Variants in SUSD4 observed in about 807,000 individuals in gnomAD.
The protein encoded by SUSD4 is sushi domain-containing protein 4.
Under a neutral mutation model 50.5 loss-of-function variants are expected in SUSD4, and 41 were observed. The ratio of observed to expected loss-of-function variants is 0.81; its 90% confidence interval spans 0.63 to 1.05. The LOEUF (loss-of-function observed/expected upper bound fraction) is 1.05, where lower values mean the gene tolerates loss of function less well. SUSD4 is among the 50% of genes least tolerant of loss of function. SUSD4 has a pLI of 0.00. For synonymous variants in SUSD4, 257 were observed against 257.3 expected, an observed-to-expected ratio of 1.00 and a Z score of 0.01; for missense variants, 580 against 634.7, an observed-to-expected ratio of 0.91 and a Z score of 0.93.
At chr1:223,337,336 G>A (rs574713700) in intron 2 of SUSD4, among the ~76,000 whole-genome samples, 77 of 152,296 alleles carry the variant, frequency 5.1e-4, no homozygotes, top group African/African-American at 1.8e-3. Flanking sequence ...TCACCTTACA[G>A]AGCTCAAATG....
intron 2 of SUSD4, among the ~76,000 whole-genome samples, chr1:223,362,940 A>ACCC (rs1411258473): frequency 1.7e-4 from 11 of 66,296 alleles, no homozygotes; most frequent in African/African-American, 6.0e-4. Context: ...CCCACCCCCC[A>ACCC]CCCCTCCCCC....
intron 5 of SUSD4, among the ~76,000 whole-genome samples, chr1:223,262,203 C>A (rs149412883): frequency 6.6e-6 from 1 of 152,066 alleles, no homozygotes; most frequent in Admixed American, 6.5e-5. Flanking sequence ...GAAAGAGGAA[C>A]GGGAAAGGGA....
In SUSD4 at chr1:223,227,647, G is replaced by T. The variant is rs1304703355; in HGVS notation, c.1008C>A (p.Leu336=). 1 of 1,613,912 alleles carries T rather than the reference G, an allele frequency of 6.2e-7. No individual in the cohort carries two copies. Residue 336 remains leucine, a synonymous_variant, in exon 7 of 9, where the codon CTC becomes CTA. Coordinates refer to ENST00000366878, the MANE Select transcript of SUSD4 (RefSeq NM_017982.4). The surrounding 1 kb of genome is among the most constrained non-coding windows in gnomAD (Gnocchi z 4.5). ...TATSVLLVLL[L]VILARMFQTK... is the part of the protein sequence containing the mutation. The stretch of plus-strand genomic sequence containing the variant: ...TCTGGAACATCCTGGCCAGGATGAC[G>T]AGCAGCAGCACCAGCAGCACACTGG...
intron 5 of SUSD4, among the ~76,000 whole-genome samples, chr1:223,236,710 T>G (rs527335976): frequency 6.6e-6 from 1 of 152,260 alleles, no homozygotes; most frequent in East Asian, 1.9e-4. Context: ...TCCATTGATC[T>G]ATTTGTCAAT....
chr1:223,250,341 G>A (rs1339944013), intron 5 of SUSD4, among the ~76,000 whole-genome samples: 3 of 152,162 alleles, frequency 2.0e-5, no homozygotes, highest in Non-Finnish European at 1.5e-5. Flanking sequence ...TGAAATGAGA[G>A]CAGTAATGAC....
At chr1:223,252,219 T>TAAAA (rs68004270) in intron 5 of SUSD4, among the ~76,000 whole-genome samples, 9 of 129,072 alleles carry the variant, frequency 7.0e-5, no homozygotes, top group African/African-American at 1.5e-4. Flanking sequence ...AAAGTATAAT[T>TAAAA]AAAAAAAAAA....
At chr1:223,275,465 G>A (rs1172402248) in intron 3 of SUSD4, among the ~76,000 whole-genome samples, 1 of 152,132 alleles carries the variant, frequency 6.6e-6, no homozygotes, top group East Asian at 1.9e-4. Flanking sequence ...AAGGCCAGAG[G>A]TGAACTCACA....
chr1:223,305,811 A>G (rs140814259), intron 2 of SUSD4, among the ~76,000 whole-genome samples: 1 of 152,354 alleles, frequency 6.6e-6, no homozygotes. Flanking sequence ...TGGGGGATGC[A>G]GAATTCATCC....
At chr1:223,307,875 C>G (rs1199703391) in intron 2 of SUSD4, among the ~76,000 whole-genome samples, 1 of 152,060 alleles carries the variant, frequency 6.6e-6, no homozygotes, top group Non-Finnish European at 1.5e-5. Flanking sequence ...CTCCTATCAC[C>G]TTTATAAATT....
At chr1:223,310,150 C>T (rs1273519368) in intron 2 of SUSD4, among the ~76,000 whole-genome samples, 2 of 152,190 alleles carry the variant, frequency 1.3e-5, no homozygotes, top group East Asian at 1.9e-4. Context: ...AGCCCTGGGA[C>T]AGTGCCTTTA....
intron 3 of SUSD4, among the ~76,000 whole-genome samples, chr1:223,278,602 G>C (rs1663452386): frequency 6.6e-6 from 1 of 152,232 alleles, no homozygotes; most frequent in Non-Finnish European, 1.5e-5. Flanking sequence ...ACTGCTCAAG[G>C]AGGCCTGCCT....
intron 2 of SUSD4, among the ~76,000 whole-genome samples, chr1:223,346,908 C>T (rs189463141): frequency 6.6e-6 from 1 of 152,140 alleles, no homozygotes; most frequent in Non-Finnish European, 1.5e-5. Flanking sequence ...CTTATGCTTG[C>T]CCCAGCAAGG....
intron 2 of SUSD4, among the ~76,000 whole-genome samples, chr1:223,307,243 A>C (rs2103200112): frequency 6.6e-6 from 1 of 152,286 alleles, no homozygotes; most frequent in South Asian, 2.1e-4. Flanking sequence ...CAATCTCAAC[A>C]TGCCTATGGC....
chr1:223,351,466 C>T (rs1668362407), intron 2 of SUSD4, among the ~76,000 whole-genome samples: 1 of 152,236 alleles, frequency 6.6e-6, no homozygotes, highest in Non-Finnish European at 1.5e-5. Context: ...CTCTCTCCAG[C>T]ACACCACACC....
chr1:223,327,663 C>A (rs781065518), intron 2 of SUSD4, among the ~76,000 whole-genome samples: 11 of 152,114 alleles, frequency 7.2e-5, no homozygotes, highest in Non-Finnish European at 1.6e-4. Flanking sequence ...ACTTCTGGCC[C>A]ATAGGGAGCC....
intron 3 of SUSD4, among the ~76,000 whole-genome samples, chr1:223,287,145 G>A (rs757170730): frequency 4.6e-4 from 70 of 152,164 alleles, no homozygotes; most frequent in Non-Finnish European, 6.0e-4. Flanking sequence ...GCACGATATC[G>A]GTTCACTGCA....
rs765372194 is a variant in SUSD4, at chr1:223,363,367, T to G, written c.59A>C (p.Gln20Pro). 6.3e-6 allele frequency: 10 copies of G among 1,596,210 alleles called. No homozygotes were observed. Among genetic ancestry groups the G allele is most frequent in the Non-Finnish European group, 8.5e-6 (10 of 1,171,420 alleles). Reference sequence around the variant, plus strand: ...TCTCTGGGGGGACTGAGGTTGCTGCTGCTGCTGCTGCTGCTCTAGAAATCC... The same window carrying G: ...TCTCTGGGGGGACTGAGGTTGCTGCGGCTGCTGCTGCTGCTCTAGAAATCC... Reference protein sequence around the residue: ...GDGFLEQQQQQQQPQSPQRLL... With the variant: ...GDGFLEQQQQPQQPQSPQRLL... The change falls in exon 2 of 9, where the codon CAG becomes CCG. Residue 20 changes from glutamine to proline, a missense_variant. Coordinates refer to ENST00000366878, the MANE Select transcript of SUSD4 (RefSeq NM_017982.4).
chr1:223,271,701 A>G (rs911420590), intron 3 of SUSD4, among the ~76,000 whole-genome samples: 1 of 152,162 alleles, frequency 6.6e-6, no homozygotes, highest in South Asian at 2.1e-4. Context: ...CTTTACCCAC[A>G]AAGTCTGGCA....
chr1:223,337,048 A>G (rs923346748), intron 2 of SUSD4, among the ~76,000 whole-genome samples: 2 of 152,118 alleles, frequency 1.3e-5, no homozygotes, highest in African/African-American at 4.8e-5. Flanking sequence ...GTTTTCTCCT[A>G]CTGTACACTG....
Sources: gnomAD v4.1 joint callset for allele counts (sites outside exome capture counted in the v4.1 genomes callset) on GRCh38, gnomAD v4.1.1 for gene constraint, Gnocchi (gnomAD v3.1) non-coding constraint, MANE v1.5 for transcripts, NCBI Gene and HGNC (gene_info 2026-07-23, HGNC 2026-07-21) for gene names.